Variants in MNAT1 observed in about 807,000 individuals in gnomAD.
The protein encoded by MNAT1 is MNAT1 component of CDK activating kinase, also known as CDK-activating kinase assembly factor MAT1.
A neutral mutation model predicts 42.0 loss-of-function variants in MNAT1; 43 were observed. The ratio of observed to expected loss-of-function variants is 1.02; its 90% CI spans 0.80 to 1.32. The LOEUF (loss-of-function observed/expected upper bound fraction) is 1.32. MNAT1 is among the 40% of genes most tolerant of loss of function. The probability of loss-of-function intolerance (pLI) is 0.00; values close to 1 mark genes in which losing one functional copy is unlikely to be tolerated. For missense variants in MNAT1, 306 were observed against 350.4 expected (o/e 0.87, Z 1.01); for synonymous variants, 118 against 120.0 (o/e 0.98, Z 0.11).
chr14:60,737,995 C>T (rs1472927594), intron 1 of MNAT1, among the ~76,000 whole-genome samples: 1 of 150,528 alleles, frequency 6.6e-6, no homozygotes, highest in African/African-American at 2.4e-5. Context: ...ACTACAGGCG[C>T]CCGCTACCAC....
At chr14:60,795,293 A>G (rs1255656208) in intron 1 of MNAT1, among the ~76,000 whole-genome samples, 1 of 152,120 alleles carries the variant, frequency 6.6e-6, no homozygotes, top group Non-Finnish European at 1.5e-5. Flanking sequence ...CATCTTTGTA[A>G]CCTGCCTGAC....
chr14:60,855,575 C>G (rs562216729), intron 6 of MNAT1, among the ~76,000 whole-genome samples: 1 of 152,292 alleles, frequency 6.6e-6, no homozygotes, highest in South Asian at 2.1e-4. Flanking sequence ...CAGCTCCTTG[C>G]ACTTCCTGGG....
At chr14:60,785,806 C>T (rs574552248) in intron 1 of MNAT1, among the ~76,000 whole-genome samples, 1 of 152,238 alleles carries the variant, frequency 6.6e-6, no homozygotes, top group African/African-American at 2.4e-5. Context: ...TGGCATAGTA[C>T]TGAGAGGATA....
chr14:60,759,636 T>C (rs1051524399), intron 1 of MNAT1, among the ~76,000 whole-genome samples: 1 of 152,216 alleles, frequency 6.6e-6, no homozygotes, highest in African/African-American at 2.4e-5. Flanking sequence ...ATAGAAGGTA[T>C]ACCAATAACC....
At chr14:60,916,302 A>G (rs1417490244) in intron 7 of MNAT1, among the ~76,000 whole-genome samples, 5 of 152,244 alleles carry the variant, frequency 3.3e-5, no homozygotes, top group Non-Finnish European at 7.3e-5. Context: ...ACTGTAGGTT[A>G]TATACATTTT....
intron 6 of MNAT1, among the ~76,000 whole-genome samples, chr14:60,830,865 G>C (rs2033193598): frequency 6.6e-6 from 1 of 151,320 alleles, no homozygotes; most frequent in Admixed American, 6.6e-5. Context: ...TTCAGGGGCT[G>C]TGGTTAAGTT....
At chr14:60,832,172 T>C (rs1316175825) in intron 6 of MNAT1, among the ~76,000 whole-genome samples, 1 of 152,224 alleles carries the variant, frequency 6.6e-6, no homozygotes, top group Non-Finnish European at 1.5e-5. Flanking sequence ...GTGCAGAAGC[T>C]CTTTAGTTTG....
chr14:60,953,251 A>G (rs2036417386), intron 7 of MNAT1, among the ~76,000 whole-genome samples: 1 of 152,192 alleles, frequency 6.6e-6, no homozygotes, highest in Non-Finnish European at 1.5e-5. Context: ...GTATATATGT[A>G]AATTTTTCCC....
At position 60,780,041 on chromosome 14, in the gene MNAT1, G is replaced by A. The variant is rs2031400203; in HGVS notation, c.90-16176G>A. Reference sequence around the variant, plus strand: ...GCGTGGGAGTGCCGAAATCGTGGACGAGTTCTTCTCATTCGGCATCAACAG... The same window carrying A: ...GCGTGGGAGTGCCGAAATCGTGGACAAGTTCTTCTCATTCGGCATCAACAG... On this transcript the variant is annotated intron_variant, in intron 1 of 7. Coordinates refer to ENST00000261245, the MANE Select transcript of MNAT1 (RefSeq NM_002431.4). The A allele has an allele frequency of 3.9e-6, 6 of 1,522,262 alleles. No homozygotes were observed. The Admixed American group carries it at 6.7e-5, about 17-fold the overall frequency. The allele number at this position is 1,522,262 out of a possible 1,614,324, so 94.3% of individuals were successfully genotyped here. A position where few individuals can be genotyped will look rare whatever the true frequency, so the allele number is the denominator to read the frequency against.
intron 6 of MNAT1, among the ~76,000 whole-genome samples, chr14:60,821,903 A>G (rs1346424363): frequency 1.3e-5 from 2 of 152,174 alleles, no homozygotes; most frequent in Non-Finnish European, 2.9e-5. Flanking sequence ...TTGCTTTGCC[A>G]TTGGGAGATT....
At chr14:60,833,449 T>C (rs1262764271) in intron 6 of MNAT1, among the ~76,000 whole-genome samples, 1 of 152,242 alleles carries the variant, frequency 6.6e-6, no homozygotes, top group African/African-American at 2.4e-5. Context: ...GTGTTTTTTG[T>C]CATTGGTTCT....
Position 60,821,461 on chromosome 14 carries a change from G to C in MNAT1, c.687+2614G>C, listed in dbSNP as rs560465468. ...GGACCTTCATTAAATATTTTTAAATGAATGACTGAATCTTACATATTAGGC... is the reference window on the plus strand; with the variant it reads ...GGACCTTCATTAAATATTTTTAAATCAATGACTGAATCTTACATATTAGGC... On this transcript the variant is annotated intron_variant, in intron 6 of 7. Transcript: ENST00000261245. 1.2e-3 allele frequency among the ~76,000 whole-genome samples: 181 copies of C among 152,200 alleles called. 1 individual carries two copies. Among genetic ancestry groups the C allele is most frequent in the African/African-American group, 4.2e-3 (174 of 41,524 alleles).
intron 6 of MNAT1, among the ~76,000 whole-genome samples, chr14:60,826,205 G>A (rs1339889373): frequency 6.6e-6 from 1 of 151,942 alleles, no homozygotes; most frequent in African/African-American, 2.4e-5. Flanking sequence ...GTCAGGGAGT[G>A]GAGTAATGTT....
At chr14:60,924,259 T>C (rs1397604991) in intron 7 of MNAT1, among the ~76,000 whole-genome samples, 1 of 152,086 alleles carries the variant, frequency 6.6e-6, no homozygotes, top group Non-Finnish European at 1.5e-5. Context: ...TTGTTTGCTT[T>C]GGGGGATATT....
chr14:60,960,237 A>T (rs2139619264), intron 7 of MNAT1, among the ~76,000 whole-genome samples: 1 of 151,850 alleles, frequency 6.6e-6, no homozygotes, highest in South Asian at 2.1e-4. Context: ...ATTTTTTGCA[A>T]CTCTAGAAAG....
chr14:60,754,570 C>T (rs963107587), intron 1 of MNAT1, among the ~76,000 whole-genome samples: 2 of 151,914 alleles, frequency 1.3e-5, no homozygotes, highest in East Asian at 1.9e-4. Flanking sequence ...ACGATGGTCT[C>T]GATCTCCTGA....
rs143995449 is a variant in MNAT1 at position 60,773,502 on chromosome 14, G to T, written c.90-22715G>T. On this transcript the variant is annotated intron_variant, in intron 1 of 7. Transcript: ENST00000261245. ...TAAGATTCTTGATTTTGATAAGTGG[G>T]CCATAAAAAGCAGGATATATATCAA... is the stretch of plus-strand genomic sequence containing the variant. 5.1e-3 allele frequency among the ~76,000 whole-genome samples: 783 copies of T among 152,098 alleles called. 14 individuals are homozygous for T. Among genetic ancestry groups the T allele is most frequent in the African/African-American group, 0.018 (735 of 41,546 alleles).
chr14:60,790,509 G>T (rs76617909), intron 1 of MNAT1, among the ~76,000 whole-genome samples: 2,438 of 152,200 alleles, frequency 0.016, 42 homozygotes, highest in Non-Finnish European at 0.025. Flanking sequence ...CCCCCACTTC[G>T]ACTTGTCCCA....
chr14:60,841,488 C>G (rs1318405082), intron 6 of MNAT1, among the ~76,000 whole-genome samples: 1 of 150,738 alleles, frequency 6.6e-6, no homozygotes, highest in East Asian at 1.9e-4. Context: ...CTGTTTGGGT[C>G]TTTTTTGCAC....
Sources: gnomAD v4.1 joint callset for allele counts (sites outside exome capture counted in the v4.1 genomes callset) on GRCh38, gnomAD v4.1.1 for gene constraint, MANE v1.5 for transcripts, NCBI Gene and HGNC (gene_info 2026-07-23, HGNC 2026-07-21) for gene names.